The following MACROD1 variants were observed in gnomAD, a reference collection of about 807,000 sequenced individuals.
MACROD1 encodes the protein mono-ADP ribosylhydrolase 1, also known as ADP-ribose glycohydrolase MACROD1.
A neutral mutation model predicts 41.4 loss-of-function variants in MACROD1; 31 were observed. The observed-to-expected ratio is 0.75, with a 90% CI of 0.56 to 1.01. MACROD1 has a LOEUF of 1.01. Ranked by LOEUF, MACROD1 falls within the 50% of genes least tolerant of loss-of-function variation. The pLI, the probability that MACROD1 is intolerant of heterozygous loss-of-function variation, is 0.00. For synonymous variants in MACROD1, 252 were observed against 203.4 expected (o/e 1.24, Z -2.03); for missense variants, 473 against 460.0 (o/e 1.03, Z -0.26).
rs529522155 is a variant in MACROD1, at chr11:64,040,292, G to A, written c.518-25011C>T. 6.6e-5 allele frequency among the ~76,000 whole-genome samples: 10 copies of A among 152,272 alleles called. No homozygotes were observed. The East Asian group carries it at 1.9e-3, about 29-fold the overall frequency. ...ATTGAGGGGGACTTCCCAGGGAAGGGGGTGCTTAAGACATGAAGAGTGAGC... is the reference window on the plus strand; with the variant it reads ...ATTGAGGGGGACTTCCCAGGGAAGGAGGTGCTTAAGACATGAAGAGTGAGC... On this transcript the variant is annotated intron_variant, in intron 3 of 10. Coordinates refer to ENST00000255681, the MANE Select transcript of MACROD1 (RefSeq NM_014067.4).
chr11:64,022,867 ATTTTTTTTTT>A (rs922794608), intron 3 of MACROD1, among the ~76,000 whole-genome samples: 2 of 90,768 alleles, frequency 2.2e-5, no homozygotes, highest in South Asian at 4.3e-4. Context: ...TTCCACATGG[ATTTTTTTTTT>A]TTTTTTTTTT....
At chr11:64,161,053 C>G (rs1226827854) in intron 1 of MACROD1, among the ~76,000 whole-genome samples, 1 of 152,010 alleles carries the variant, frequency 6.6e-6, no homozygotes. Flanking sequence ...TGCCTGTAAT[C>G]CCAGCAACTC....
chr11:64,085,589 C>T (rs557058097), intron 3 of MACROD1, among the ~76,000 whole-genome samples: 14 of 152,328 alleles, frequency 9.2e-5, no homozygotes, highest in African/African-American at 2.4e-4. Flanking sequence ...CACCCCAGGC[C>T]GCAGCGTGGG....
chr11:64,148,842 G>A (rs1010212898), intron 3 of MACROD1: 1 of 985,640 alleles, frequency 1.0e-6, no homozygotes, highest in Non-Finnish European at 1.2e-6. Context: ...ACAGGGGCTG[G>A]GGTGGGAGCC....
intron 3 of MACROD1, among the ~76,000 whole-genome samples, chr11:64,121,667 G>A (rs1945099854): frequency 6.6e-6 from 1 of 152,192 alleles, no homozygotes; most frequent in African/African-American, 2.4e-5. Flanking sequence ...ACATGCGTGA[G>A]GACACAAGGC....
At chr11:64,033,334 G>A (rs1943318622) in intron 3 of MACROD1, among the ~76,000 whole-genome samples, 1 of 152,234 alleles carries the variant, frequency 6.6e-6, no homozygotes, top group Non-Finnish European at 1.5e-5. Flanking sequence ...GCATGGCTGA[G>A]CGGGTTATTC....
At chr11:64,010,663 G>A (rs1200788099) in intron 4 of MACROD1, among the ~76,000 whole-genome samples, 1 of 151,062 alleles carries the variant, frequency 6.6e-6, no homozygotes, top group Non-Finnish European at 1.5e-5. Context: ...TAGTTGGGGT[G>A]CTGGCTGGTG....
At chr11:64,138,564 A>G in intron 3 of MACROD1, 1 of 985,416 alleles carries the variant, frequency 1.0e-6, no homozygotes, top group Non-Finnish European at 1.2e-6. Flanking sequence ...GCCAGGCGGC[A>G]ATAATAAAAC....
intron 3 of MACROD1, among the ~76,000 whole-genome samples, chr11:64,131,647 CA>C (rs1013905496): frequency 3.9e-5 from 6 of 152,098 alleles, no homozygotes; most frequent in Admixed American, 3.9e-4. Flanking sequence ...TTTCTGAAGG[CA>C]GCAGGAATGT....
intron 3 of MACROD1, among the ~76,000 whole-genome samples, chr11:64,039,568 C>G (rs976495946): frequency 6.6e-6 from 1 of 152,092 alleles, no homozygotes; most frequent in Non-Finnish European, 1.5e-5. Context: ...ACTGGATGGC[C>G]GGGAGGAGAC....
At chr11:64,110,165 T>G (rs957792626) in intron 3 of MACROD1, among the ~76,000 whole-genome samples, 3 of 152,078 alleles carry the variant, frequency 2.0e-5, no homozygotes, top group African/African-American at 7.2e-5. Flanking sequence ...TAACACAGCC[T>G]GAGGCCCGGC....
chr11:64,028,212 T>G (rs985846377), intron 3 of MACROD1, among the ~76,000 whole-genome samples: 2 of 152,232 alleles, frequency 1.3e-5, no homozygotes, highest in Non-Finnish European at 2.9e-5. Flanking sequence ...CCAGGCCTTC[T>G]AGTTCCCTGC....
chr11:64,141,423 C>T (rs1945412152), intron 3 of MACROD1, among the ~76,000 whole-genome samples: 1 of 152,204 alleles, frequency 6.6e-6, no homozygotes, highest in African/African-American at 2.4e-5. Flanking sequence ...CCACGTGCTG[C>T]TGCAGCCAGA....
intron 3 of MACROD1, among the ~76,000 whole-genome samples, chr11:64,138,843 C>A (rs1945369523): frequency 1.3e-5 from 2 of 152,072 alleles, no homozygotes; most frequent in Non-Finnish European, 2.9e-5. Context: ...TCTCAGCTCA[C>A]TGCAACTTCT....
At chr11:64,136,267 C>T (rs1038870768) in intron 3 of MACROD1, among the ~76,000 whole-genome samples, 6 of 152,232 alleles carry the variant, frequency 3.9e-5, no homozygotes, top group African/African-American at 1.4e-4. Flanking sequence ...ATTCATTCAC[C>T]CATTCATTGA....
chr11:64,058,302 C>T (rs1943829698), intron 3 of MACROD1, among the ~76,000 whole-genome samples: 2 of 152,374 alleles, frequency 1.3e-5, no homozygotes, highest in Admixed American at 1.3e-4. Context: ...CTCTGCTGTG[C>T]TCCTTGGTGC....
chr11:64,142,219 G>A (rs1418341658), intron 3 of MACROD1, among the ~76,000 whole-genome samples: 1 of 152,174 alleles, frequency 6.6e-6, no homozygotes, highest in Non-Finnish European at 1.5e-5. Context: ...TCAAGGGCAT[G>A]GAGTCACTTA....
At chr11:63,999,945 C>T (rs1942791150) in intron 5 of MACROD1, 182 bp from the exon 6 acceptor site, 11 of 710,340 alleles carry the variant, frequency 1.5e-5, no homozygotes, top group Non-Finnish European at 2.5e-5. Flanking sequence ...GCGCACAGAG[C>T]CCCGCGCCCC....
intron 3 of MACROD1, among the ~76,000 whole-genome samples, chr11:64,030,783 G>A (rs931459463): frequency 6.6e-6 from 1 of 152,110 alleles, no homozygotes; most frequent in African/African-American, 2.4e-5. Flanking sequence ...TGGGCATGGT[G>A]GCGGCACCTG....
Sources: allele counts gnomAD v4.1 joint callset (sites outside exome capture counted in the v4.1 genomes callset), GRCh38; gene constraint gnomAD v4.1.1; transcripts MANE v1.5; gene names NCBI Gene and HGNC (gene_info 2026-07-23, HGNC 2026-07-21).